The following AVEN variants were observed in gnomAD, a reference collection of about 807,000 sequenced individuals.
AVEN encodes cell death regulator Aven.
AVEN carries 41 observed loss-of-function variants against 38.1 expected under a neutral mutation model. That is an observed-to-expected ratio of 1.08 (90% CI 0.84 to 1.40). The LOEUF is 1.40. AVEN is among the 40% of genes most tolerant of loss of function. AVEN has a pLI of 0.00. For missense variants in AVEN, 605 were observed against 438.8 expected (o/e 1.38, Z -3.38); for synonymous variants, 206 against 171.8 (o/e 1.20, Z -1.56).
intron 4 of AVEN, among the ~76,000 whole-genome samples, chr15:33,868,522 G>A (rs1431892215): frequency 7.8e-6 from 1 of 128,362 alleles, no homozygotes; most frequent in Non-Finnish European, 1.6e-5. Context: ...TCGAGCCTGG[G>A]CAACAGAATG....
Position 33,870,917 on chromosome 15 carries a change from G to A in AVEN, c.612+18C>T. 5.0e-6 allele frequency: 8 copies of A among 1,598,142 alleles called. No individual in the cohort carries two copies. The highest frequency in any genetic ancestry group is 6.0e-6 in the Non-Finnish European group (7 of 1,166,976). On this transcript the variant is annotated intron_variant, in intron 4 of 5. Coordinates refer to ENST00000306730, the MANE Select transcript of AVEN (RefSeq NM_020371.3). ...CTGCCCTAATCCACCCGCTTCAAGA[G>A]GGCTTCGGGATTTTTACCTGGACCA...
chr15:33,898,637 C>T (rs1892349575), intron 2 of AVEN, among the ~76,000 whole-genome samples: 1 of 152,178 alleles, frequency 6.6e-6, no homozygotes, highest in African/African-American at 2.4e-5. Flanking sequence ...ACACCCTCAT[C>T]TTGTGTGACC....
rs377120583 is a variant in AVEN at position 33,867,543 on chromosome 15, G to C, written c.925C>G (p.Gln309Glu). The C allele has an allele frequency of 4.4e-6, 7 of 1,608,824 alleles. No individual in the cohort carries two copies. The highest frequency in any genetic ancestry group is 1.7e-4 in the Middle Eastern group (1 of 6,046). The change falls in exon 5 of 6, where the codon CAG becomes GAG. Residue 309 changes from glutamine (Q) to glutamate (E), a missense_variant. Transcript: ENST00000306730. The stretch of plus-strand genomic sequence containing the variant: ...CCATCTTCCTTGGATTTCAGGTCCT[G>C]AGACGTCTGATCTGGTAAGATGTTA... ...GDNILPDQTS[Q>E]DLKSKEDGEV...
At chr15:33,890,557 G>A (rs1342831219) in intron 2 of AVEN, among the ~76,000 whole-genome samples, 1 of 151,928 alleles carries the variant, frequency 6.6e-6, no homozygotes, top group Non-Finnish European at 1.5e-5. Context: ...AAAAGTATAG[G>A]GCAAAAATGT....
intron 2 of AVEN, among the ~76,000 whole-genome samples, chr15:33,920,167 T>G (rs1893338284): frequency 6.6e-6 from 1 of 152,166 alleles, no homozygotes; most frequent in South Asian, 2.1e-4. Context: ...AATGCAGATT[T>G]GTCCTACAAT....
At chr15:33,861,004 A>G in intron 11 of AVEN, 3 of 1,158,336 alleles carry the variant, frequency 2.6e-6, no homozygotes, top group Non-Finnish European at 3.8e-6. Flanking sequence ...CTTCAATTCG[A>G]TAGAATCATG....
At position 33,937,867 on chromosome 15, in the gene AVEN, G is replaced by GTTGT. The variant is rs368654025; in HGVS notation, c.446-61876_446-61873dup. Among the ~76,000 whole-genome samples the GTTGT allele has an allele frequency of 7.1e-3, 946 of 134,086 alleles. 11 individuals carry two copies. Among genetic ancestry groups the GTTGT allele is most frequent in the South Asian group, 0.027 (112 of 4,096 alleles). 88.0% of individuals were successfully genotyped at this position (134,086 alleles called of 152,430 possible). On this transcript the variant is annotated intron_variant, in intron 2 of 5. Coordinates refer to ENST00000306730, the MANE Select transcript of AVEN (RefSeq NM_020371.3). ...CAGAACTGTGAGAAAATAAATTTCT[G>GTTGT]TTGTTTAAGTCATCCAGTATATGGT...
At chr15:33,865,193 C>T (rs772829125), downstream of AVEN, 4 of 1,613,778 alleles carry the variant, frequency 2.5e-6, no homozygotes, top group South Asian at 4.4e-5. Context: ...CCGGTGACTG[C>T]TTTCGTAAAC....
chr15:34,018,112 C>T (rs1272508995), intron 1 of AVEN: 1 of 152,186 alleles, frequency 6.6e-6, no homozygotes, highest in African/African-American at 2.4e-5. Context: ...CTACTTACTT[C>T]TTAAAAAAGC....
chr15:33,983,213 T>TACAC (rs1491388409), intron 2 of AVEN, among the ~76,000 whole-genome samples: 10 of 36,914 alleles, frequency 2.7e-4, no homozygotes, highest in East Asian at 1.8e-3. Context: ...TATATATATA[T>TACAC]ACATATATAT....
intron 2 of AVEN, among the ~76,000 whole-genome samples, chr15:33,896,536 G>A (rs1391307985): frequency 6.6e-6 from 1 of 152,272 alleles, no homozygotes; most frequent in African/African-American, 2.4e-5. Flanking sequence ...TTAGGGGCTG[G>A]GAGAGAGTCC....
intron 1 of AVEN, among the ~76,000 whole-genome samples, chr15:34,011,314 G>A (rs533921580): frequency 4.6e-5 from 7 of 152,012 alleles, no homozygotes; most frequent in East Asian, 1.9e-4. Context: ...AAAAGGATAC[G>A]GATATACAAA....
At chr15:33,942,418 A>G (rs1010301120) in intron 2 of AVEN, among the ~76,000 whole-genome samples, 1 of 152,122 alleles carries the variant, frequency 6.6e-6, no homozygotes, top group African/African-American at 2.4e-5. Flanking sequence ...TGTACTTGGT[A>G]ACATGCCGCT....
chr15:33,879,508 T>A (rs1365069013), intron 2 of AVEN, among the ~76,000 whole-genome samples: 2 of 151,772 alleles, frequency 1.3e-5, no homozygotes, highest in African/African-American at 4.8e-5. Context: ...CATATGTAAC[T>A]AACCTGCACA....
At chr15:33,954,153 C>A (rs951324520) in intron 2 of AVEN, among the ~76,000 whole-genome samples, 1 of 152,188 alleles carries the variant, frequency 6.6e-6, no homozygotes, top group Non-Finnish European at 1.5e-5. Flanking sequence ...CAGGAAACAA[C>A]AGATGCTGGA....
intron 1 of AVEN, among the ~76,000 whole-genome samples, chr15:34,029,867 T>C (rs1454888252): frequency 6.6e-6 from 1 of 152,160 alleles, no homozygotes; most frequent in Non-Finnish European, 1.5e-5. Context: ...TTATCAGCCT[T>C]GTAGTAAAAG....
chr15:33,957,724 A>G (rs1309371571), intron 2 of AVEN, among the ~76,000 whole-genome samples: 7 of 81,080 alleles, frequency 8.6e-5, no homozygotes, highest in Non-Finnish European at 1.5e-4. Flanking sequence ...ATATTGTATG[A>G]AAAAAAAAAA....
chr15:33,866,735 G>GA lies in AVEN; in HGVS notation c.974-8dup, dbSNP rs752381403. On this transcript the variant is annotated splice_polypyrimidine_tract_variant and splice_region_variant and intron_variant, in intron 5 of 5. Coordinates refer to ENST00000306730, the MANE Select transcript of AVEN (RefSeq NM_020371.3). ...ACAGATGGTTTTGCACAAACTGGGG[G>GA]AAAAAAAACAATGTTAACACCCTCA... The GA allele has an allele frequency of 1.6e-4, 247 of 1,591,608 alleles. No homozygotes were observed. The highest frequency in any genetic ancestry group is 3.3e-4 in the Middle Eastern group (2 of 6,010).
intron 2 of AVEN, among the ~76,000 whole-genome samples, chr15:33,959,216 T>A (rs1884862893): frequency 6.6e-6 from 1 of 152,150 alleles, no homozygotes; most frequent in African/African-American, 2.4e-5. Flanking sequence ...AAGGCAGAAT[T>A]AATTACTCTC....
Sources: allele counts gnomAD v4.1 joint callset (sites outside exome capture counted in the v4.1 genomes callset), GRCh38; gene constraint gnomAD v4.1.1; transcripts MANE v1.5; gene names NCBI Gene and HGNC (gene_info 2026-07-23, HGNC 2026-07-21).